Variants in ZNF565 observed in about 807,000 individuals in gnomAD.
The protein encoded by ZNF565 is zinc finger protein 565.
Under a neutral mutation model 39.4 loss-of-function variants are expected in ZNF565, and 27 were observed. The observed-to-expected ratio is 0.69, with a 90% CI of 0.51 to 0.95. The LOEUF is 0.95. ZNF565 is among the 40% of genes least tolerant of loss of function. ZNF565 has a pLI of 0.00. For missense variants in ZNF565, 524 were observed against 621.1 expected, an observed-to-expected ratio of 0.84 and a Z score of 1.66; for synonymous variants, 185 against 216.6, an observed-to-expected ratio of 0.85 and a Z score of 1.28.
intron 1 of ZNF565, among the ~76,000 whole-genome samples, chr19:36,225,752 C>CTTTTTT (rs67760026): frequency 1.5e-5 from 1 of 66,726 alleles, no homozygotes; most frequent in Non-Finnish European, 2.8e-5. Context: ...CTTTGTGATT[C>CTTTTTT]TTTTTTTTTT....
chr19:36,231,598 A>G (rs1350925557), intron 1 of ZNF565, among the ~76,000 whole-genome samples: 5 of 152,182 alleles, frequency 3.3e-5, no homozygotes, highest in South Asian at 2.1e-4. Flanking sequence ...TTACCTGTTT[A>G]TGGGACAGAC....
chr19:36,233,878 C>T (rs1456376522), intron 1 of ZNF565, among the ~76,000 whole-genome samples: 1 of 152,198 alleles, frequency 6.6e-6, no homozygotes, highest in Non-Finnish European at 1.5e-5. Context: ...AAGAGGTCTT[C>T]CTTTTTTACT....
intron 2 of ZNF565, among the ~76,000 whole-genome samples, chr19:36,195,784 T>G (rs1480636426): frequency 6.7e-6 from 1 of 148,246 alleles, no homozygotes; most frequent in East Asian, 2.0e-4. Flanking sequence ...GACCTCATGA[T>G]CTGCACGCCT....
At chr19:36,242,304 G>A (rs772825436) in intron 1 of ZNF565, among the ~76,000 whole-genome samples, 1 of 152,084 alleles carries the variant, frequency 6.6e-6, no homozygotes, top group African/African-American at 2.4e-5. Context: ...CAGCTACTTG[G>A]GAGGCTGAGA....
At chr19:36,201,010 G>T (rs566604330) in intron 2 of ZNF565, among the ~76,000 whole-genome samples, 2 of 152,188 alleles carry the variant, frequency 1.3e-5, no homozygotes, top group South Asian at 2.1e-4. Context: ...TAAAGAGGGG[G>T]TGACATTTAA....
intron 1 of ZNF565, chr19:36,213,385 TTTTG>T (rs149446155): frequency 0.26 from 39,156 of 151,614 alleles, 5,410 homozygotes; most frequent in African/African-American, 0.37. Flanking sequence ...ATTTTTAATT[TTTTG>T]TTTGTTTGTT....
chr19:36,223,448 C>T lies in ZNF565; in HGVS notation c.56-21398G>A, dbSNP rs375279042. ...TGCGATTTCGGCTCACTGCAAGCTC[C>T]GCCTCCCGGGTTCACGCCATTCTCC... On this transcript the variant is annotated intron_variant, in intron 1 of 4. Coordinates refer to the ZNF565 transcript ENST00000355114. Among the ~76,000 whole-genome samples the T allele has an allele frequency of 2.7e-4, 41 of 151,894 alleles. No homozygotes were observed. The South Asian group carries it at 7.7e-3, about 29-fold the overall frequency.
intron 2 of ZNF565, among the ~76,000 whole-genome samples, chr19:36,197,271 CAAAA>C (rs201126947): frequency 6.7e-6 from 1 of 150,152 alleles, no homozygotes; most frequent in African/African-American, 2.5e-5. Flanking sequence ...GACTCTGTCT[CAAAA>C]AAAACAAACA....
chr19:36,199,117 G>A (rs180802255), intron 2 of ZNF565, among the ~76,000 whole-genome samples: 33 of 152,058 alleles, frequency 2.2e-4, no homozygotes, highest in African/African-American at 7.2e-4. Flanking sequence ...AAATCTTCAG[G>A]GTTTATTATA....
chr19:36,215,368 C>T (rs1256244725), upstream of ZNF565, among the ~76,000 whole-genome samples: 1 of 151,978 alleles, frequency 6.6e-6, no homozygotes, highest in Admixed American at 6.6e-5. Context: ...CCGAGTTTGT[C>T]CTCAAAGTTT....
At chr19:36,182,204 CAT>C (rs567579877), downstream of ZNF565, 421 of 362,074 alleles carry the variant, frequency 1.2e-3, 4 homozygotes, top group African/African-American at 8.4e-3. Context: ...AGAAATTTAA[CAT>C]ATTTTGAATG....
intron 1 of ZNF565, among the ~76,000 whole-genome samples, chr19:36,221,799 A>G (rs1317517351): frequency 2.0e-5 from 3 of 150,764 alleles, no homozygotes; most frequent in Non-Finnish European, 4.4e-5. Context: ...TTCTGTCACT[A>G]TTATATATTT....
At chr19:36,205,000 A>T (rs1976099892) in intron 1 of ZNF565, among the ~76,000 whole-genome samples, 1 of 151,872 alleles carries the variant, frequency 6.6e-6, no homozygotes, top group Non-Finnish European at 1.5e-5. Flanking sequence ...AAAAACAGAA[A>T]AGAAAATGAA....
chr19:36,239,491 TAAA>T (rs202149693), intron 1 of ZNF565, among the ~76,000 whole-genome samples: 1 of 146,192 alleles, frequency 6.8e-6, no homozygotes, highest in South Asian at 2.1e-4. Flanking sequence ...CTGTGCCAAT[TAAA>T]AAAAAAAAAT....
intron 1 of ZNF565, among the ~76,000 whole-genome samples, chr19:36,207,938 G>A (rs952608803): frequency 2.0e-5 from 3 of 152,148 alleles, no homozygotes; most frequent in Non-Finnish European, 2.9e-5. Flanking sequence ...GAAATAAAAT[G>A]TGACTCTGTA....
intron 1 of ZNF565, among the ~76,000 whole-genome samples, chr19:36,224,864 ACTT>A (rs1478977157): frequency 6.6e-6 from 1 of 152,124 alleles, no homozygotes; most frequent in Non-Finnish European, 1.5e-5. Flanking sequence ...AGGTTTGGAC[ACTT>A]CTTACTAAGT....
intron 2 of ZNF565, among the ~76,000 whole-genome samples, chr19:36,200,755 G>A (rs1043654468): frequency 1.3e-5 from 2 of 151,376 alleles, no homozygotes; most frequent in African/African-American, 4.9e-5. Context: ...CCAAAGTGCT[G>A]GGATTACAGG....
At chr19:36,211,304 G>A (rs55637545) in intron 1 of ZNF565, among the ~76,000 whole-genome samples, 4,060 of 151,960 alleles carry the variant, frequency 0.027, 195 homozygotes, top group African/African-American at 0.09. Flanking sequence ...TTAGCCGGGC[G>A]TGGTGGTGTG....
At chr19:36,239,216 G>C (rs1409536522) in intron 1 of ZNF565, among the ~76,000 whole-genome samples, 1 of 152,038 alleles carries the variant, frequency 6.6e-6, no homozygotes. Flanking sequence ...ACATGCACAG[G>C]CTTCATATAA....
Sources: allele counts gnomAD v4.1 joint callset (sites outside exome capture counted in the v4.1 genomes callset), GRCh38; gene constraint gnomAD v4.1.1; transcripts MANE v1.5; gene names NCBI Gene and HGNC (gene_info 2026-07-23, HGNC 2026-07-21).